The following IL19 variants were observed in gnomAD, a reference collection of about 807,000 sequenced individuals.
IL19 encodes the protein interleukin-19.
IL19 carries 15 observed loss-of-function variants against 19.5 expected under a neutral mutation model. The ratio of observed to expected loss-of-function variants is 0.77; its 90% CI spans 0.52 to 1.19. The LOEUF (loss-of-function observed/expected upper bound fraction) is 1.19. Among genes scored for constraint, IL19 ranks in the 50% most tolerant of loss-of-function variants. The pLI is 0.00. For missense variants in IL19, 199 were observed against 213.1 expected (o/e 0.93, Z 0.41); for synonymous variants, 78 against 78.3 (o/e 1.00, Z 0.02).
chr1:206,772,596 T>C, intron 1 of IL19: 3 of 673,154 alleles, frequency 4.5e-6, no homozygotes, highest in Non-Finnish European at 7.7e-6. Context: ...GGATTTTTTC[T>C]GCTTAGAGCT....
chr1:206,842,290 G>A (rs1038968515), intron 6 of IL19, among the ~76,000 whole-genome samples: 3 of 152,054 alleles, frequency 2.0e-5, no homozygotes, highest in Non-Finnish European at 4.4e-5. Flanking sequence ...AAAGAATGAA[G>A]AATTTTAAAG....
intron 2 of IL19, among the ~76,000 whole-genome samples, chr1:206,803,229 G>T (rs577847200): frequency 1.3e-5 from 2 of 152,126 alleles, no homozygotes; most frequent in Non-Finnish European, 2.9e-5. Flanking sequence ...ATGGGCTTTC[G>T]CTGTTGCTGC....
At chr1:206,787,949 C>T (rs571013238) in intron 1 of IL19, among the ~76,000 whole-genome samples, 1 of 152,302 alleles carries the variant, frequency 6.6e-6, no homozygotes, top group Admixed American at 6.5e-5. Flanking sequence ...TCCTTTCCAC[C>T]AGCCACATTC....
chr1:206,781,514 G>T (rs557562998), intron 1 of IL19, among the ~76,000 whole-genome samples: 20 of 151,194 alleles, frequency 1.3e-4, no homozygotes, highest in African/African-American at 4.9e-4. Flanking sequence ...TGCCCATTCT[G>T]GTCCTTACCT....
intron 2 of IL19, among the ~76,000 whole-genome samples, chr1:206,803,000 G>T (rs367758744): frequency 6.6e-6 from 1 of 152,202 alleles, no homozygotes; most frequent in African/African-American, 2.4e-5. Context: ...TCCTTTTCCA[G>T]ATCCCTTTTT....
intron 2 of IL19, among the ~76,000 whole-genome samples, chr1:206,802,940 C>A (rs1455012926): frequency 6.6e-6 from 1 of 152,222 alleles, no homozygotes; most frequent in Non-Finnish European, 1.5e-5. Flanking sequence ...TGGCCAATAT[C>A]TCAAGAACAG....
intron 2 of IL19, among the ~76,000 whole-genome samples, chr1:206,801,353 T>C (rs1165863914): frequency 6.6e-6 from 1 of 152,188 alleles, no homozygotes; most frequent in African/African-American, 2.4e-5. Flanking sequence ...TGTCCTCATG[T>C]GCCTGGAGGC....
intron 2 of IL19, chr1:206,834,315 C>T: frequency 2.0e-6 from 2 of 985,638 alleles, no homozygotes; most frequent in South Asian, 4.7e-5. Context: ...CTCTTATCCA[C>T]CTGAATAAAA....
At position 206,772,357 on chromosome 1, in the gene IL19, C is replaced by T. The variant is rs758161630; in HGVS notation, c.-149+1279C>T. On this transcript the variant is annotated intron_variant, in intron 1 of 6. Coordinates refer to ENST00000659997, the MANE Select transcript of IL19 (RefSeq NM_153758.5). ...CCTGGGAAGTGGGTGCAGCTGTTCT[C>T]AGACTGGGTGCCCTGGCCTGGGCTG... 7.4e-6 allele frequency: 12 copies of T among 1,614,106 alleles called. No homozygotes were observed. In the African/African-American group the frequency reaches 1.3e-4, roughly 18 times the overall value.
intron 2 of IL19, among the ~76,000 whole-genome samples, chr1:206,825,391 T>A (rs1676402774): frequency 6.6e-6 from 1 of 152,234 alleles, no homozygotes; most frequent in Non-Finnish European, 1.5e-5. Flanking sequence ...CCAACTTGAA[T>A]TTTTCTTTCT....
intron 6 of IL19, 72 bp from the exon 7 acceptor site, chr1:206,842,455 T>A: frequency 1.1e-6 from 1 of 891,048 alleles, no homozygotes. Context: ...GGAACCAGCA[T>A]ATGAAGAAAG....
At chr1:206,833,725 C>T in intron 2 of IL19, 2 of 985,450 alleles carry the variant, frequency 2.0e-6, no homozygotes, top group Non-Finnish European at 2.4e-6. Flanking sequence ...CTCATTTTCT[C>T]TCTCTCTGCA....
intron 1 of IL19, chr1:206,772,161 T>G: frequency 1.1e-6 from 1 of 909,264 alleles, no homozygotes; most frequent in Non-Finnish European, 1.8e-6. Flanking sequence ...GGGGAATAGG[T>G]GTTGGGGATG....
intron 1 of IL19, among the ~76,000 whole-genome samples, chr1:206,798,467 T>A (rs1675582989): frequency 6.6e-6 from 1 of 152,172 alleles, no homozygotes; most frequent in African/African-American, 2.4e-5. Flanking sequence ...CCCAAGTCAA[T>A]TTCCTGTGAC....
intron 1 of IL19, chr1:206,771,333 C>G (rs1416420268): frequency 6.2e-7 from 1 of 1,607,718 alleles, no homozygotes; most frequent in Non-Finnish European, 8.5e-7. Flanking sequence ...CACACTCCCC[C>G]AGCACCCCGC....
chr1:206,785,533 G>T (rs990775575), intron 1 of IL19, among the ~76,000 whole-genome samples: 1 of 152,220 alleles, frequency 6.6e-6, no homozygotes, highest in African/African-American at 2.4e-5. Flanking sequence ...AGGAGAGTAG[G>T]TCATCTGGGA....
intron 2 of IL19, among the ~76,000 whole-genome samples, chr1:206,819,593 A>AT (rs398103623): frequency 6.6e-6 from 1 of 151,416 alleles, no homozygotes; most frequent in African/African-American, 2.4e-5. Context: ...AAAAAAAAAA[A>AT]GGAAAACTCA....
chr1:206,773,356 C>T (rs1023522195), intron 1 of IL19, among the ~76,000 whole-genome samples: 2 of 152,232 alleles, frequency 1.3e-5, no homozygotes, highest in African/African-American at 4.8e-5. Context: ...CTACTGTACA[C>T]CATCTCCAGC....
chr1:206,822,704 A>G (rs1480302050), intron 2 of IL19, among the ~76,000 whole-genome samples: 1 of 152,172 alleles, frequency 6.6e-6, no homozygotes, highest in East Asian at 1.9e-4. Flanking sequence ...CATCTGTTTA[A>G]TGGCCTGTCT....
Sources: gnomAD v4.1 joint callset for allele counts (sites outside exome capture counted in the v4.1 genomes callset) on GRCh38, gnomAD v4.1.1 for gene constraint, MANE v1.5 for transcripts, NCBI Gene and HGNC (gene_info 2026-07-23, HGNC 2026-07-21) for gene names.